The following RNASET2 variants were observed in gnomAD, a reference collection of about 807,000 sequenced individuals.
The protein encoded by RNASET2 is ribonuclease T2, also known as ribonuclease 6.
A neutral mutation model predicts 33.9 loss-of-function variants in RNASET2; 28 were observed. The observed-to-expected ratio is 0.83, with a 90% CI of 0.61 to 1.13. The LOEUF (loss-of-function observed/expected upper bound fraction) is 1.13, where lower values mean the gene tolerates loss of function less well. RNASET2 is among the 50% of genes most tolerant of loss of function. The pLI is 0.00. For missense variants in RNASET2, 330 were observed against 319.9 expected (o/e 1.03, Z -0.24); for synonymous variants, 123 against 121.0 (o/e 1.02, Z -0.11).
chr6:166,946,896 G>A (rs2128646407), intron 3 of RNASET2, 157 bp from the exon 4 acceptor site: 1 of 697,272 alleles, frequency 1.4e-6, no homozygotes, highest in South Asian at 1.5e-5. Flanking sequence ...GCTTAAGAAA[G>A]AAGATGCAGG....
At position 166,937,890 on chromosome 6, in the gene RNASET2, T is replaced by C. The variant is rs548966081; in HGVS notation, c.446+1005A>G. Among the ~76,000 whole-genome samples, 3 of 152,310 alleles carry C rather than the reference T, an allele frequency of 2.0e-5. No individual in the cohort carries two copies. In the South Asian group the frequency reaches 6.2e-4, roughly 32 times the overall value. ...GCCAAGCCCCTCTTCTATCAGTGCC[T>C]GAGCTCTATCCCACCCAAGTTGCAG... On this transcript the variant is annotated intron_variant, in intron 6 of 8. Transcript: ENST00000508775.
At chr6:166,930,021 G>T (rs1778382118) in intron 8 of RNASET2, among the ~76,000 whole-genome samples, 1 of 152,186 alleles carries the variant, frequency 6.6e-6, no homozygotes, top group Non-Finnish European at 1.5e-5. Flanking sequence ...TGGGCTTGGG[G>T]GTTGGATCCC....
intron 1 of RNASET2, 116 bp downstream of exon 1, chr6:166,955,981 C>T: frequency 8.4e-7 from 1 of 1,185,806 alleles, no homozygotes; most frequent in Non-Finnish European, 1.2e-6. Context: ...CCCGCCCTCC[C>T]CAGTCGCTGC....
At chr6:166,947,836 G>A (rs147233954) in intron 3 of RNASET2, among the ~76,000 whole-genome samples, 1 of 152,284 alleles carries the variant, frequency 6.6e-6, no homozygotes, top group East Asian at 1.9e-4. Context: ...ACAGTTCAGC[G>A]TCACAAGTAT....
At chr6:166,948,514 G>T in intron 3 of RNASET2, 56 bp downstream of exon 3, 1 of 1,033,784 alleles carries the variant, frequency 9.7e-7, no homozygotes. Context: ...ATTCAAGCTA[G>T]GGTTCCCAGT....
At chr6:166,945,915 T>C (rs898245968) in intron 4 of RNASET2, among the ~76,000 whole-genome samples, 1 of 151,574 alleles carries the variant, frequency 6.6e-6, no homozygotes, top group Admixed American at 6.6e-5. Flanking sequence ...GTACCATTCC[T>C]AGGAAAGACC....
At position 166,923,326 on chromosome 6, in the gene RNASET2, C is replaced by A. The variant is rs947431030; in HGVS notation, c.*6262G>T. On this transcript the variant is annotated 3_prime_UTR_variant, in exon 9 of 9. Coordinates refer to ENST00000508775, the MANE Select transcript of RNASET2 (RefSeq NM_003730.6). The stretch of plus-strand genomic sequence containing the variant: ...GCAGCCTCCACCTCCTGGGTTCAAG[C>A]CATCCTCTCACCTCAGCCTCCTGAG... 2.7e-5 allele frequency among the ~76,000 whole-genome samples: 4 copies of A among 150,880 alleles called. No homozygotes were observed. The highest frequency in any genetic ancestry group is 9.8e-5 in the African/African-American group (4 of 40,766).
Position 166,923,228 on chromosome 6 carries a change from CTT to C in RNASET2, c.*6358_*6359del, listed in dbSNP as rs576639665. Among the ~76,000 whole-genome samples the C allele has an allele frequency of 1.9e-3, 191 of 102,642 alleles. 1 individual carries two copies. Among genetic ancestry groups the C allele is most frequent in the African/African-American group, 8.8e-3 (168 of 19,132 alleles). 67.3% of individuals were successfully genotyped at this position (102,642 alleles called of 152,430 possible). A position where few individuals can be genotyped will look rare whatever the true frequency, so the allele number is the denominator to read the frequency against. Reference sequence around the variant, plus strand: ...ACAGGCGTGAGCCACCAGGCCCGGCCTTTTTTTTTTTTTTTTTTTTTGAGACA... The same window carrying C: ...ACAGGCGTGAGCCACCAGGCCCGGCCTTTTTTTTTTTTTTTTTTTGAGACA... On this transcript the variant is annotated 3_prime_UTR_variant, in exon 9 of 9. Coordinates refer to ENST00000508775, the MANE Select transcript of RNASET2 (RefSeq NM_003730.6).
intron 7 of RNASET2, 37 bp from the exon 8 acceptor site, chr6:166,931,155 C>T (rs748186775): frequency 2.1e-6 from 3 of 1,410,222 alleles, no homozygotes; most frequent in Non-Finnish European, 3.0e-6. Flanking sequence ...AATTAAACTT[C>T]AACAGAAAAG....
intron 7 of RNASET2, chr6:166,931,362 T>C (rs138720846): frequency 5.4e-5 from 30 of 556,542 alleles, no homozygotes; most frequent in Non-Finnish European, 9.4e-5. Context: ...TCTGCTCCTG[T>C]TTCTCTGGAG....
Position 166,948,608 on chromosome 6 carries a change from A to G in RNASET2, c.165T>C (p.Cys55=). 6.3e-7 allele frequency: 1 copy of G among 1,598,372 alleles called. No homozygotes were observed. The highest frequency in any genetic ancestry group is 8.6e-7 in the Non-Finnish European group (1 of 1,166,632). The change falls in exon 3 of 9, where the codon TGT becomes TGC. Residue 55 remains cysteine, a synonymous_variant. Coordinates refer to ENST00000508775, the MANE Select transcript of RNASET2 (RefSeq NM_003730.6). ...ETVCEKIQND[C]RDPPDYWTIH... ...TTGTCCAGTAATCCGGAGGGTCTCT[A>G]CAGTCGTTTTGAATTTTCTAGGGAG...
chr6:166,922,627 A>AT lies in RNASET2; in HGVS notation c.*6960dup, dbSNP rs1188541502. Among the ~76,000 whole-genome samples the AT allele has an allele frequency of 6.6e-6, 1 of 152,232 alleles. No homozygotes were observed. The highest frequency in any genetic ancestry group is 1.5e-5 in the Non-Finnish European group (1 of 68,054). On this transcript the variant is annotated 3_prime_UTR_variant, in exon 9 of 9. Coordinates refer to ENST00000508775, the MANE Select transcript of RNASET2 (RefSeq NM_003730.6). ...GATTAGTGAGGTACCAAGCCCCTGA[A>AT]TATTGGGAGCATCTTGGTGACTGGC...
chr6:166,952,222 A>G (rs1018316663), intron 2 of RNASET2, among the ~76,000 whole-genome samples: 2 of 152,236 alleles, frequency 1.3e-5, no homozygotes, highest in African/African-American at 4.8e-5. Flanking sequence ...TCTGACCCCT[A>G]GGTTGAAACT....
At chr6:166,930,513 T>C (rs556040790) in intron 8 of RNASET2, among the ~76,000 whole-genome samples, 18 of 142,048 alleles carry the variant, frequency 1.3e-4, no homozygotes, top group African/African-American at 4.5e-4. Flanking sequence ...TTCACATGCA[T>C]GCACACATTC....
intron 5 of RNASET2, among the ~76,000 whole-genome samples, chr6:166,942,273 G>T (rs144483722): frequency 2.7e-4 from 41 of 152,012 alleles, no homozygotes; most frequent in African/African-American, 8.9e-4. Context: ...GGCTGGTCTC[G>T]AACTCCTGAC....
In RNASET2 at chr6:166,943,065, A is replaced by G. The variant is rs763751033; in HGVS notation, c.286T>C (p.Tyr96His). 1 of 1,613,692 alleles carries G rather than the reference A, an allele frequency of 6.2e-7. No homozygotes were observed. Among genetic ancestry groups the G allele is most frequent in the East Asian group, 2.2e-5 (1 of 44,876 alleles). Reference sequence around the variant, plus strand: ...AACGAGTGAATTACGTCAGGCCAGTATGCCCTCATTTCTGGCAAAAGATCC... The same window carrying G: ...AACGAGTGAATTACGTCAGGCCAGTGTGCCCTCATTTCTGGCAAAAGATCC... ...IKDLLPEMRA[Y>H]WPDVIHSFPN... The change falls in exon 5 of 9, where the codon TAC becomes CAC. Residue 96 changes from tyrosine to histidine, a missense_variant. Coordinates refer to ENST00000508775, the MANE Select transcript of RNASET2 (RefSeq NM_003730.6).
chr6:166,953,879 C>CAAAAAAAAAAAAAA (rs548523987), intron 1 of RNASET2, among the ~76,000 whole-genome samples: 5 of 110,730 alleles, frequency 4.5e-5, no homozygotes, highest in East Asian at 2.8e-4. Flanking sequence ...GACCCTGTCT[C>CAAAAAAAAAAAAAA]AAAAAAAAAA....
rs185069769 is a variant in RNASET2 at position 166,927,681 on chromosome 6, C to T, written c.*1907G>A. On this transcript the variant is annotated 3_prime_UTR_variant, in exon 9 of 9. Transcript: ENST00000508775. ...CTCTGGGAATAATGAAGATAAAACC[C>T]AAGCCTTGATCCCTGTGTTCGCAAA... Among the ~76,000 whole-genome samples, 114 of 127,394 alleles carry T rather than the reference C, an allele frequency of 8.9e-4. No homozygotes were observed. Among genetic ancestry groups the T allele is most frequent in the African/African-American group, 3.4e-3 (110 of 32,058 alleles). The allele number at this position is 127,394 out of a possible 152,430, so 83.6% of individuals were successfully genotyped here.
chr6:166,940,736 C>A (rs998428471), intron 5 of RNASET2, among the ~76,000 whole-genome samples: 3 of 152,088 alleles, frequency 2.0e-5, no homozygotes, highest in Non-Finnish European at 4.4e-5. Flanking sequence ...TTCATTTGGA[C>A]TGGACCTTTT....
Sources: gnomAD v4.1 joint callset for allele counts (sites outside exome capture counted in the v4.1 genomes callset) on GRCh38, gnomAD v4.1.1 for gene constraint, MANE v1.5 for transcripts, NCBI Gene and HGNC (gene_info 2026-07-23, HGNC 2026-07-21) for gene names.